GRB2: variants seen among roughly 807,000 people sequenced by gnomAD.
GRB2 encodes growth factor receptor-bound protein 2.
Under a neutral mutation model 27.4 loss-of-function variants are expected in GRB2, and 2 were observed. The observed-to-expected ratio is 0.07, with a 90% CI of 0.03 to 0.23. The LOEUF (loss-of-function observed/expected upper bound fraction) is 0.23, where lower values mean the gene tolerates loss of function less well. Among genes scored for constraint, GRB2 ranks in the 10% least tolerant of loss-of-function variants. The pLI, the probability that GRB2 is intolerant of heterozygous loss-of-function variation, is 1.00. For synonymous variants in GRB2, 94 were observed against 99.6 expected (o/e 0.94, Z 0.33); for missense variants, 102 against 282.4 (o/e 0.36, Z 4.58).
At chr17:75,333,221 G>A (rs1567858581) in intron 2 of GRB2, among the ~76,000 whole-genome samples, 1 of 152,114 alleles carries the variant, frequency 6.6e-6, no homozygotes, top group African/African-American at 2.4e-5. Context: ...GATTACAGGC[G>A]CATGCCACGT....
chr17:75,335,093 T>C (rs2078568066), intron 2 of GRB2, among the ~76,000 whole-genome samples: 1 of 152,116 alleles, frequency 6.6e-6, no homozygotes, highest in African/African-American at 2.4e-5. Context: ...TGTGAGCCAC[T>C]GCGATTGGCC....
rs1942499739 is a variant in GRB2, at chr17:75,318,267, C to G, written c.*2101G>C. 1 of 152,054 alleles carries G rather than the reference C, an allele frequency of 6.6e-6. No individual in the cohort carries two copies. The highest frequency in any genetic ancestry group is 2.4e-5 in the African/African-American group (1 of 41,362). 9.4% of individuals were successfully genotyped at this position (152,054 alleles called of 1,614,324 possible). ...TCCAAAATAAAACAATCAAATGGTCCAGGTGTAGAATGCCAGATTCCTTTT... is the reference window on the plus strand; with the variant it reads ...TCCAAAATAAAACAATCAAATGGTCGAGGTGTAGAATGCCAGATTCCTTTT... On this transcript the variant is annotated 3_prime_UTR_variant, in exon 6 of 6. Coordinates refer to ENST00000316804, the MANE Select transcript of GRB2 (RefSeq NM_002086.5).
At chr17:75,333,564 G>A (rs151189001) in intron 2 of GRB2, among the ~76,000 whole-genome samples, 269 of 152,154 alleles carry the variant, frequency 1.8e-3, no homozygotes, top group African/African-American at 5.3e-3. Flanking sequence ...TCTTCCAACC[G>A]ACCTCCAGAA....
chr17:75,335,274 T>C (rs1276536563), intron 2 of GRB2, among the ~76,000 whole-genome samples: 1 of 152,044 alleles, frequency 6.6e-6, no homozygotes, highest in African/African-American at 2.4e-5. Flanking sequence ...AAAACAAAAA[T>C]GTGAATACAA....
intron 4 of GRB2, among the ~76,000 whole-genome samples, chr17:75,323,963 C>T (rs1002046607): frequency 6.6e-6 from 1 of 152,014 alleles, no homozygotes; most frequent in Non-Finnish European, 1.5e-5. Flanking sequence ...GCATGTGCCA[C>T]CACGCCTGGC....
At chr17:75,398,670 A>C (rs2079044147) in intron 1 of GRB2, among the ~76,000 whole-genome samples, 1 of 152,252 alleles carries the variant, frequency 6.6e-6, no homozygotes, top group African/African-American at 2.4e-5. Context: ...CACAGAACCC[A>C]CACTACAGCA....
chr17:75,403,708 G>C (rs2079079159), intron 1 of GRB2, among the ~76,000 whole-genome samples: 1 of 151,734 alleles, frequency 6.6e-6, no homozygotes, highest in Non-Finnish European at 1.5e-5. Flanking sequence ...AAGCTGCAGT[G>C]AGCCGAGATC....
intron 2 of GRB2, among the ~76,000 whole-genome samples, chr17:75,384,259 G>C (rs182146660): frequency 6.6e-6 from 1 of 152,112 alleles, no homozygotes; most frequent in Non-Finnish European, 1.5e-5. Flanking sequence ...AAATCTCAAC[G>C]CTTAAGAAAC....
At chr17:75,392,619 A>G (rs919464797) in intron 2 of GRB2, among the ~76,000 whole-genome samples, 3 of 152,310 alleles carry the variant, frequency 2.0e-5, no homozygotes, top group Non-Finnish European at 4.4e-5. Flanking sequence ...AAATTCCAAC[A>G]ATCAGTCTAA....
chr17:75,331,784 A>G (rs1353437305), intron 3 of GRB2, among the ~76,000 whole-genome samples: 2 of 152,194 alleles, frequency 1.3e-5, no homozygotes, highest in African/African-American at 4.8e-5. Flanking sequence ...CTTCACAGAA[A>G]AAGTTTAGCC....
intron 2 of GRB2, among the ~76,000 whole-genome samples, chr17:75,368,510 ACTGCGTCAGGCGTTTGTTT>A (rs2078834946): frequency 6.7e-6 from 1 of 150,138 alleles, no homozygotes; most frequent in African/African-American, 2.5e-5. Flanking sequence ...GGCGTGACCC[ACTGCGTCAGGCGTTTGTTT>A]TTTTTTTTGT....
At chr17:75,373,956 G>A (rs2078873805) in intron 2 of GRB2, among the ~76,000 whole-genome samples, 1 of 151,570 alleles carries the variant, frequency 6.6e-6, no homozygotes, top group Admixed American at 6.6e-5. Context: ...ACCATGCCCG[G>A]CTAATTTTTT....
At chr17:75,393,969 C>CCATT (rs2079015431) in intron 1 of GRB2, 5 of 402,134 alleles carry the variant, frequency 1.2e-5, no homozygotes, top group Non-Finnish European at 1.8e-5. Flanking sequence ...GCCTGCCGGC[C>CCATT]AATGGCACAG....
chr17:75,390,883 T>C (rs1056320662), intron 2 of GRB2, among the ~76,000 whole-genome samples: 2 of 152,216 alleles, frequency 1.3e-5, no homozygotes, highest in Middle Eastern at 3.2e-3. Flanking sequence ...AAGGCATATA[T>C]ATGCCTATTT....
intron 2 of GRB2, among the ~76,000 whole-genome samples, chr17:75,366,439 T>G (rs139423858): frequency 7.4e-4 from 104 of 141,208 alleles, no homozygotes; most frequent in African/African-American, 2.5e-3. Context: ...TCCCAGCACT[T>G]TGGGAGGCTG....
At position 75,357,922 on chromosome 17, in the gene GRB2, AAAAAAAC is replaced by A. The variant is rs201953103; in HGVS notation, c.79-25132_79-25126del. Among the ~76,000 whole-genome samples the A allele has an allele frequency of 6.7e-3, 1,008 of 150,184 alleles. 13 individuals carry two copies. Among genetic ancestry groups the A allele is most frequent in the African/African-American group, 0.023 (893 of 39,594 alleles). On this transcript the variant is annotated intron_variant, in intron 2 of 5. Coordinates refer to ENST00000316804, the MANE Select transcript of GRB2 (RefSeq NM_002086.5). ...GGCGACACAGTGAGACTTTGTCTCA[AAAAAAAC>A]AAAAAACAAAAAACAAAAATTAGCT...
intron 5 of GRB2, 144 bp downstream of exon 5, chr17:75,321,515 T>G (rs921524135): frequency 1.6e-5 from 11 of 697,520 alleles, no homozygotes; most frequent in South Asian, 7.1e-5. Context: ...AGGGTAACAT[T>G]TTCAGTAAGG....
chr17:75,333,190 C>T (rs1348052484), intron 2 of GRB2, among the ~76,000 whole-genome samples: 1 of 152,170 alleles, frequency 6.6e-6, no homozygotes, highest in African/African-American at 2.4e-5. Context: ...ATTCTCCTGC[C>T]ACAGCCTCCC....
rs775027742 is a variant in GRB2, at chr17:75,346,578, C to CTTTT, written c.79-13785_79-13782dup. On this transcript the variant is annotated intron_variant, in intron 2 of 5. Transcript: ENST00000316804. ...TCCAGTTACACCTTGCTTTTCTTGCCTTTTTTTTTTTTTTTTTTTTTTTGA... is the reference window on the plus strand; with the variant it reads ...TCCAGTTACACCTTGCTTTTCTTGCCTTTTTTTTTTTTTTTTTTTTTTTTTTTGA... Among the ~76,000 whole-genome samples the CTTTT allele has an allele frequency of 2.4e-3, 166 of 68,736 alleles. 13 individuals carry two copies. Among genetic ancestry groups the CTTTT allele is most frequent in the African/African-American group, 6.8e-3 (107 of 15,808 alleles). The allele number at this position is 68,736 out of a possible 152,430, so 45.1% of individuals were successfully genotyped here. A position where few individuals can be genotyped will look rare whatever the true frequency, so the allele number is the denominator to read the frequency against.
Sources: allele counts gnomAD v4.1 joint callset (sites outside exome capture counted in the v4.1 genomes callset), GRCh38; gene constraint gnomAD v4.1.1; transcripts MANE v1.5; gene names NCBI Gene and HGNC (gene_info 2026-07-23, HGNC 2026-07-21).